Variants in ADAM10 observed in about 807,000 individuals in gnomAD.
The protein encoded by ADAM10 is ADAM metallopeptidase domain 10.
Under a neutral mutation model 90.1 loss-of-function variants are expected in ADAM10, and 17 were observed. The ratio of observed to expected loss-of-function variants is 0.19; its 90% CI spans 0.13 to 0.28. ADAM10 has a LOEUF of 0.28. ADAM10 is among the 10% of genes least tolerant of loss of function. The pLI is 1.00. For missense variants in ADAM10, 610 were observed against 914.3 expected (o/e 0.67, Z 4.29); for synonymous variants, 310 against 298.6 (o/e 1.04, Z -0.40).
At chr15:58,742,376 G>A (rs1302320717) in intron 1 of ADAM10, among the ~76,000 whole-genome samples, 11 of 152,198 alleles carry the variant, frequency 7.2e-5, no homozygotes, top group Non-Finnish European at 7.3e-5. Flanking sequence ...TACTGCACGT[G>A]TATCACTTTC....
intron 6 of ADAM10, among the ~76,000 whole-genome samples, chr15:58,644,630 A>G (rs1421466946): frequency 6.6e-6 from 1 of 152,218 alleles, no homozygotes; most frequent in Non-Finnish European, 1.5e-5. Context: ...CTATGCGTAG[A>G]GTATCCTTCT....
In ADAM10 at chr15:58,610,701, T is replaced by C. The variant is rs374541667; in HGVS notation, c.1805-184A>G. On this transcript the variant is annotated intron_variant, in intron 13 of 15. Coordinates refer to ENST00000260408, the MANE Select transcript of ADAM10 (RefSeq NM_001110.4). ...GTAATTCATATTAAATGTTACAATG[T>C]AAACAAGCAACCAGCAAGTCTTGAC... 56 of 691,168 alleles carry C rather than the reference T, an allele frequency of 8.1e-5. No homozygotes were observed. The African/African-American group carries it at 8.7e-4, about 11-fold the overall frequency. 42.8% of individuals were successfully genotyped at this position (691,168 alleles called of 1,614,324 possible). A position where few individuals can be genotyped will look rare whatever the true frequency, so the allele number is the denominator to read the frequency against.
rs1270466114 is a variant in ADAM10, at chr15:58,636,743, T to A, written c.1013-3384A>T. ...CCACCCCACCCCCCAAAAAAAAGTC[T>A]TAGAAAAAAATACAAGAGTAATATG... On this transcript the variant is annotated intron_variant, in intron 8 of 15. Coordinates refer to ENST00000260408, the MANE Select transcript of ADAM10 (RefSeq NM_001110.4). Among the ~76,000 whole-genome samples the A allele has an allele frequency of 8.5e-5, 13 of 152,112 alleles. No homozygotes were observed. The East Asian group carries it at 2.1e-3, about 25-fold the overall frequency.
intron 1 of ADAM10, among the ~76,000 whole-genome samples, chr15:58,737,880 TAGTGGGTC>T (rs1435257084): frequency 3.9e-5 from 6 of 152,220 alleles, no homozygotes; most frequent in African/African-American, 1.4e-4. Flanking sequence ...AACTCTCTGA[TAGTGGGTC>T]ACCATCATCA....
intron 10 of ADAM10, among the ~76,000 whole-genome samples, chr15:58,622,668 T>C (rs1246286535): frequency 6.6e-6 from 1 of 152,214 alleles, no homozygotes; most frequent in African/African-American, 2.4e-5. Flanking sequence ...TTGAGCCAGA[T>C]CTTGGTTGAT....
intron 2 of ADAM10, among the ~76,000 whole-genome samples, chr15:58,705,957 T>C (rs1474384578): frequency 7.2e-5 from 11 of 152,254 alleles, no homozygotes; most frequent in Non-Finnish European, 1.5e-4. Context: ...TAGGTATTTA[T>C]GTAAAGGAAA....
At chr15:58,686,737 T>C (rs1897614305) in intron 2 of ADAM10, 1 of 613,470 alleles carries the variant, frequency 1.6e-6, no homozygotes, top group African/African-American at 1.8e-5. Flanking sequence ...CCCTTTCCTG[T>C]GGCCCCGTCC....
chr15:58,635,664 A>T (rs368521352), intron 8 of ADAM10, among the ~76,000 whole-genome samples: 2 of 152,304 alleles, frequency 1.3e-5, no homozygotes, highest in South Asian at 4.1e-4. Context: ...CACACAGCAT[A>T]GTTTTAAACA....
At chr15:58,630,566 T>G (rs544028261) in intron 9 of ADAM10, among the ~76,000 whole-genome samples, 15 of 152,212 alleles carry the variant, frequency 9.9e-5, no homozygotes, top group African/African-American at 3.6e-4. Flanking sequence ...ATATTAGAAT[T>G]TTCACCCTGA....
At chr15:58,628,521 A>C in intron 9 of ADAM10, among the ~76,000 whole-genome samples, 1 of 152,360 alleles carries the variant, frequency 6.6e-6, no homozygotes, top group South Asian at 2.1e-4. Context: ...ATAAATGCAC[A>C]TAAGTGGTGT....
intron 2 of ADAM10, among the ~76,000 whole-genome samples, chr15:58,695,471 T>C (rs1007765344): frequency 2.6e-5 from 4 of 152,178 alleles, no homozygotes; most frequent in African/African-American, 9.7e-5. Context: ...GAAAAATCAT[T>C]ATCATATTTA....
At chr15:58,640,654 G>C in intron 8 of ADAM10, 123 bp downstream of exon 8, 1 of 937,860 alleles carries the variant, frequency 1.1e-6, no homozygotes, top group Non-Finnish European at 1.6e-6. Context: ...CCTAACTCAA[G>C]TAGCATAAAT....
intron 1 of ADAM10, among the ~76,000 whole-genome samples, chr15:58,736,315 A>G (rs1484751165): frequency 6.6e-6 from 1 of 152,226 alleles, no homozygotes; most frequent in African/African-American, 2.4e-5. Flanking sequence ...GCGCACCAAC[A>G]GCATTTAACT....
At chr15:58,626,718 T>C (rs1254041203) in intron 10 of ADAM10, among the ~76,000 whole-genome samples, 1 of 151,998 alleles carries the variant, frequency 6.6e-6, no homozygotes, top group Non-Finnish European at 1.5e-5. Flanking sequence ...AAAGAACAAA[T>C]ATTGTATGTC....
chr15:58,689,952 C>CCAAAAAA (rs1555418398), intron 2 of ADAM10, among the ~76,000 whole-genome samples: 1 of 108,902 alleles, frequency 9.2e-6, no homozygotes, highest in Admixed American at 9.7e-5. Context: ...AGACCCCCCC[C>CCAAAAAA]AAAAAAAAAA....
intron 2 of ADAM10, among the ~76,000 whole-genome samples, chr15:58,706,627 T>C (rs567762006): frequency 7.2e-5 from 11 of 151,846 alleles, no homozygotes; most frequent in South Asian, 2.1e-4. Flanking sequence ...GGAGAGGAAC[T>C]GGAAGGGAAA....
chr15:58,654,968 CAGCCATTGGAAGA>C (rs1229854977), intron 5 of ADAM10, among the ~76,000 whole-genome samples: 1 of 152,150 alleles, frequency 6.6e-6, no homozygotes, highest in Non-Finnish European at 1.5e-5. Flanking sequence ...GTGTATTCTG[CAGCCATTGGAAGA>C]AATGGTCTAT....
intron 4 of ADAM10, among the ~76,000 whole-genome samples, chr15:58,673,277 A>G (rs2140741133): frequency 6.6e-6 from 1 of 152,200 alleles, no homozygotes; most frequent in Non-Finnish European, 1.5e-5. Context: ...TTATTGGTGC[A>G]CAGCACAAAT....
chr15:58,600,937 C>T (rs1187732797), intron 14 of ADAM10, among the ~76,000 whole-genome samples: 1 of 152,106 alleles, frequency 6.6e-6, no homozygotes, highest in Non-Finnish European at 1.5e-5. Context: ...ACTACTTCTA[C>T]ACTGTTTAGT....
Sources: gnomAD v4.1 joint callset for allele counts (sites outside exome capture counted in the v4.1 genomes callset) on GRCh38, gnomAD v4.1.1 for gene constraint, MANE v1.5 for transcripts, NCBI Gene and HGNC (gene_info 2026-07-23, HGNC 2026-07-21) for gene names.